Variants in FGF1 observed in about 807,000 individuals in gnomAD.
The protein encoded by FGF1 is fibroblast growth factor 1.
A neutral mutation model predicts 13.4 loss-of-function variants in FGF1; 9 were observed. That is an observed-to-expected ratio of 0.67 (90% CI 0.40 to 1.17). The LOEUF (loss-of-function observed/expected upper bound fraction) is 1.17, where lower values mean the gene tolerates loss of function less well. Ranked by LOEUF, FGF1 falls within the 50% of genes most tolerant of loss-of-function variation. The pLI, the probability that FGF1 is intolerant of heterozygous loss-of-function variation, is 0.01. For synonymous variants in FGF1, 93 were observed against 79.0 expected (o/e 1.18, Z -0.94); for missense variants, 156 against 192.7 (o/e 0.81, Z 1.13).
chr5:142,675,017 C>T (rs943447720), intron 1 of FGF1, among the ~76,000 whole-genome samples: 1 of 152,168 alleles, frequency 6.6e-6, no homozygotes, highest in African/African-American at 2.4e-5. Context: ...TGAAGCCGCC[C>T]TCCAAAGGCT....
At chr5:142,691,395 C>A (rs568256051) in intron 2 of FGF1, among the ~76,000 whole-genome samples, 1 of 150,490 alleles carries the variant, frequency 6.6e-6, no homozygotes, top group Non-Finnish European at 1.5e-5. Context: ...GCACTCCAGC[C>A]TGGGTGATAG....
At chr5:142,618,976 C>T (rs2151891279) in intron 1 of FGF1, among the ~76,000 whole-genome samples, 1 of 138,028 alleles carries the variant, frequency 7.2e-6, no homozygotes, top group Admixed American at 7.7e-5. Context: ...GCTCTTTAGC[C>T]CAGGCCGGAT....
chr5:142,645,508 A>C lies in FGF1; in HGVS notation c.-34-31347T>G, dbSNP rs188560931. On this transcript the variant is annotated intron_variant, in intron 1 of 3. Coordinates refer to ENST00000337706, the MANE Select transcript of FGF1 (RefSeq NM_000800.5). ...AGCTCTTCTAGTTACTAGCTCTGTGACTCCAAGCAAGCCCTCTAACCTCTC... is the reference window on the plus strand; with the variant it reads ...AGCTCTTCTAGTTACTAGCTCTGTGCCTCCAAGCAAGCCCTCTAACCTCTC... Among the ~76,000 whole-genome samples, 4 of 152,186 alleles carry C rather than the reference A, an allele frequency of 2.6e-5. No individual in the cohort carries two copies. The East Asian group carries it at 7.7e-4, about 29-fold the overall frequency.
At chr5:142,680,745 G>A (rs1020643438) in intron 1 of FGF1, 2 of 152,170 alleles carry the variant, frequency 1.3e-5, no homozygotes, top group Non-Finnish European at 1.5e-5. Context: ...ACAAAGAAGA[G>A]GGTAATTGCC....
chr5:142,601,221 A>G, intron 2 of FGF1: 1 of 453,946 alleles, frequency 2.2e-6, no homozygotes. Flanking sequence ...GCCAGCCTGC[A>G]TGTGTTCTGC....
At chr5:142,605,397 A>G (rs1329133293) in intron 2 of FGF1, among the ~76,000 whole-genome samples, 1 of 151,826 alleles carries the variant, frequency 6.6e-6, no homozygotes, top group African/African-American at 2.4e-5. Flanking sequence ...CCGGGATTAC[A>G]GGCATGAGCC....
chr5:142,697,096 C>T (rs6580256), intron 2 of FGF1, among the ~76,000 whole-genome samples: 51,312 of 152,072 alleles, frequency 0.34, 15,751 homozygotes, highest in African/African-American at 0.81. Context: ...GAGAAAGGAA[C>T]TCTTGAATCT....
chr5:142,623,745 A>AT (rs200125870), intron 1 of FGF1, among the ~76,000 whole-genome samples: 1,784 of 107,094 alleles, frequency 0.017, 37 homozygotes, highest in African/African-American at 0.059. Flanking sequence ...TCATTAAAAA[A>AT]ATTTTTTTTT....
At chr5:142,608,950 C>CT (rs1317683991) in intron 2 of FGF1, among the ~76,000 whole-genome samples, 110 of 151,988 alleles carry the variant, frequency 7.2e-4, no homozygotes, top group African/African-American at 2.5e-3. Context: ...GCCTGGAGAC[C>CT]TCCCCTTCTC....
intron 1 of FGF1, among the ~76,000 whole-genome samples, chr5:142,657,985 G>A (rs1768479638): frequency 6.6e-6 from 1 of 152,072 alleles, no homozygotes; most frequent in Non-Finnish European, 1.5e-5. Flanking sequence ...CCCAAATCCT[G>A]CCCTGTGCCT....
intron 1 of FGF1, among the ~76,000 whole-genome samples, chr5:142,625,917 A>G (rs1205686596): frequency 1.3e-5 from 2 of 152,196 alleles, no homozygotes; most frequent in Non-Finnish European, 2.9e-5. Flanking sequence ...CCCTTGACCT[A>G]GAAAATTTAG....
At chr5:142,650,249 G>A (rs1006055210) in intron 1 of FGF1, among the ~76,000 whole-genome samples, 2 of 152,206 alleles carry the variant, frequency 1.3e-5, no homozygotes, top group African/African-American at 2.4e-5. Flanking sequence ...ATGCTAGGGC[G>A]TGACATTTGT....
chr5:142,668,886 T>TG (rs531325814), intron 1 of FGF1, among the ~76,000 whole-genome samples: 136 of 152,198 alleles, frequency 8.9e-4, no homozygotes, highest in African/African-American at 3.2e-3. Flanking sequence ...TGCCAAGGGC[T>TG]GGGGGGATGG....
Position 142,592,657 on chromosome 5 carries a change from T to C in FGF1, c.*2633A>G. 2.6e-6 allele frequency: 1 copy of C among 389,570 alleles called. No homozygotes were observed. 24.1% of individuals were successfully genotyped at this position (389,570 alleles called of 1,614,324 possible). A position where few individuals can be genotyped will look rare whatever the true frequency, so the allele number is the denominator to read the frequency against. ...GCATGTTCAAAACAGAGCAGGGAAC[T>C]ACCAACCTCTTCCTTCTAAGAAGAT... On this transcript the variant is annotated 3_prime_UTR_variant, in exon 4 of 4. Coordinates refer to ENST00000337706, the MANE Select transcript of FGF1 (RefSeq NM_000800.5).
intron 3 of FGF1, among the ~76,000 whole-genome samples, chr5:142,596,842 C>T (rs1485697844): frequency 1.3e-5 from 2 of 152,052 alleles, no homozygotes; most frequent in Non-Finnish European, 2.9e-5. Context: ...ACCCACCACC[C>T]AGATATAGGC....
intron 2 of FGF1, among the ~76,000 whole-genome samples, chr5:142,612,311 C>T (rs1759233032): frequency 6.6e-6 from 1 of 152,156 alleles, no homozygotes; most frequent in African/African-American, 2.4e-5. Context: ...ACAGAAATTC[C>T]AGTATTGGAG....
intron 2 of FGF1, among the ~76,000 whole-genome samples, chr5:142,612,683 G>T (rs146627312): frequency 1.2e-4 from 18 of 151,510 alleles, no homozygotes; most frequent in African/African-American, 4.1e-4. Flanking sequence ...AAGCCCATTT[G>T]AAGATAAGCC....
At chr5:142,658,427 C>T (rs1768567398) in intron 1 of FGF1, among the ~76,000 whole-genome samples, 1 of 152,238 alleles carries the variant, frequency 6.6e-6, no homozygotes, top group South Asian at 2.1e-4. Context: ...TGCCTAAAGG[C>T]CAAAGGCCAA....
At chr5:142,669,018 CA>C (rs754391904) in intron 1 of FGF1, among the ~76,000 whole-genome samples, 11 of 152,220 alleles carry the variant, frequency 7.2e-5, no homozygotes, top group Non-Finnish European at 8.8e-5. Flanking sequence ...AACAGAGGCC[CA>C]GGGGTGGGCA....
Sources: gnomAD v4.1 joint callset for allele counts (sites outside exome capture counted in the v4.1 genomes callset) on GRCh38, gnomAD v4.1.1 for gene constraint, MANE v1.5 for transcripts, NCBI Gene and HGNC (gene_info 2026-07-23, HGNC 2026-07-21) for gene names.